UBE3D: variants seen among roughly 807,000 people sequenced by gnomAD.
UBE3D encodes the protein E3 ubiquitin-protein ligase E3D.
Under a neutral mutation model 49.6 loss-of-function variants are expected in UBE3D, and 48 were observed. The ratio of observed to expected loss-of-function variants is 0.97; its 90% CI spans 0.77 to 1.23. The LOEUF (loss-of-function observed/expected upper bound fraction) is 1.23, where lower values mean the gene tolerates loss of function less well. Ranked by LOEUF, UBE3D falls within the 50% of genes most tolerant of loss-of-function variation. The pLI is 0.00. For missense variants in UBE3D, 452 were observed against 468.4 expected, an observed-to-expected ratio of 0.96 and a Z score of 0.32; for synonymous variants, 189 against 174.2, an observed-to-expected ratio of 1.08 and a Z score of -0.67.
At chr6:83,027,434 CAAAAAAAAAA>C (rs61225462) in intron 5 of UBE3D, among the ~76,000 whole-genome samples, 394 of 34,648 alleles carry the variant, frequency 0.011, 8 homozygotes, top group Non-Finnish European at 0.017. Flanking sequence ...GACTCCGTCT[CAAAAAAAAAA>C]AAAAAAAAAA....
At chr6:82,899,318 A>C (rs1316914318) in intron 9 of UBE3D, among the ~76,000 whole-genome samples, 1 of 152,194 alleles carries the variant, frequency 6.6e-6, no homozygotes, top group Admixed American at 6.5e-5. Flanking sequence ...CAGAAACAAT[A>C]GACTAAGGGA....
At chr6:82,960,626 A>G (rs1776481604) in intron 8 of UBE3D, among the ~76,000 whole-genome samples, 1 of 151,692 alleles carries the variant, frequency 6.6e-6, no homozygotes, top group African/African-American at 2.4e-5. Context: ...GCAAGTTCTT[A>G]TAAAGGAAAC....
intron 8 of UBE3D, among the ~76,000 whole-genome samples, chr6:83,015,022 A>G (rs571086902): frequency 1.3e-5 from 2 of 152,292 alleles, no homozygotes; most frequent in South Asian, 4.1e-4. Context: ...TCTTCTGTCC[A>G]TTACGGTAGT....
intron 5 of UBE3D, among the ~76,000 whole-genome samples, chr6:83,034,861 A>G: frequency 6.6e-6 from 1 of 152,120 alleles, no homozygotes; most frequent in East Asian, 1.9e-4. Context: ...CAAATAATTT[A>G]TCAATTCCAC....
chr6:82,908,762 A>G (rs62430475), intron 9 of UBE3D, among the ~76,000 whole-genome samples: 19,000 of 151,968 alleles, frequency 0.13, 1,272 homozygotes, highest in African/African-American at 0.17. Flanking sequence ...TTTCAAATAC[A>G]CTCTTCCTTT....
At chr6:82,966,860 A>G (rs1425559758) in intron 8 of UBE3D, among the ~76,000 whole-genome samples, 2 of 152,194 alleles carry the variant, frequency 1.3e-5, no homozygotes, top group Non-Finnish European at 2.9e-5. Context: ...GTGAGCTAGG[A>G]GAACTAGTAA....
intron 8 of UBE3D, among the ~76,000 whole-genome samples, chr6:83,001,239 T>C (rs957204501): frequency 1.3e-5 from 2 of 152,198 alleles, no homozygotes; most frequent in African/African-American, 4.8e-5. Context: ...ATAGCACTGA[T>C]CAGTTTGCAG....
rs534982796 is a variant in UBE3D, at chr6:83,002,738, T to C, written c.1010+16235A>G. ...CTAGCTGGGCCCTTTTGGCCTTCCA[T>C]CCCTTCTATCCTGTAAGGATATAGC... is the stretch of plus-strand genomic sequence containing the variant. On this transcript the variant is annotated intron_variant, in intron 8 of 9. Transcript: ENST00000369747. Among the ~76,000 whole-genome samples the C allele has an allele frequency of 2.4e-4, 37 of 152,274 alleles. No individual in the cohort carries two copies. In the East Asian group the frequency reaches 6.0e-3, roughly 25 times the overall value.
At chr6:82,992,286 G>A (rs1000175441) in intron 8 of UBE3D, among the ~76,000 whole-genome samples, 2 of 139,576 alleles carry the variant, frequency 1.4e-5, no homozygotes, top group Admixed American at 7.9e-5. Flanking sequence ...GGAATGGCAC[G>A]ATCTCAGCTC....
intron 1 of UBE3D, 77 bp downstream of exon 1, chr6:83,065,565 A>C (rs565793783): frequency 2.9e-6 from 4 of 1,382,184 alleles, no homozygotes; most frequent in Middle Eastern, 1.8e-4. Flanking sequence ...CCTCGTACAG[A>C]GAGAGACTCA....
chr6:82,904,976 G>A (rs573755901), intron 9 of UBE3D, among the ~76,000 whole-genome samples: 4 of 152,200 alleles, frequency 2.6e-5, no homozygotes, highest in South Asian at 2.1e-4. Flanking sequence ...TGTAGGGGGC[G>A]TCTAAAGGTT....
At chr6:82,981,225 G>C (rs566992381) in intron 8 of UBE3D, among the ~76,000 whole-genome samples, 2 of 152,156 alleles carry the variant, frequency 1.3e-5, no homozygotes, top group African/African-American at 4.8e-5. Context: ...CTTTGAGGCT[G>C]TCTTTTTAGC....
intron 8 of UBE3D, among the ~76,000 whole-genome samples, chr6:82,961,962 AC>A (rs1323149116): frequency 2.1e-5 from 3 of 146,136 alleles, no homozygotes; most frequent in East Asian, 2.1e-4. Flanking sequence ...AAAAAAAAAA[AC>A]AAAAAAGATG....
At chr6:83,061,230 GAC>G (rs1453028101) in intron 1 of UBE3D, among the ~76,000 whole-genome samples, 1 of 152,140 alleles carries the variant, frequency 6.6e-6, no homozygotes, top group Non-Finnish European at 1.5e-5. Context: ...AAAGTGTCAG[GAC>G]CATGAAAGTC....
At position 82,957,373 on chromosome 6, in the gene UBE3D, A is replaced by G. The variant is rs1354133200; in HGVS notation, c.1088T>C (p.Leu363Ser). 4 of 1,614,144 alleles carry G rather than the reference A, an allele frequency of 2.5e-6. No homozygotes were observed. Among genetic ancestry groups the G allele is most frequent in the Non-Finnish European group, 2.5e-6 (3 of 1,180,000 alleles). ...LPSATCLELL[L>S]ILSKSNANLP... ...ATTGGCATTACTCTTTGACAATATC[A>G]ACAGCAGCTCCAAGCAGGTTGCAGA... is the stretch of plus-strand genomic sequence containing the variant. Residue 363 changes from leucine (L) to serine (S), a missense_variant, in exon 9 of 10, where the codon TTG (leucine) becomes TCG (serine). Coordinates refer to ENST00000369747, the MANE Select transcript of UBE3D (RefSeq NM_198920.3).
intron 9 of UBE3D, among the ~76,000 whole-genome samples, chr6:82,921,770 C>G (rs1341756781): frequency 6.6e-6 from 1 of 152,110 alleles, no homozygotes; most frequent in Non-Finnish European, 1.5e-5. Context: ...CTTGAAGAAC[C>G]CTCCCAAAGT....
chr6:82,889,638 T>G (rs1346246288), downstream of UBE3D, among the ~76,000 whole-genome samples: 1 of 152,200 alleles, frequency 6.6e-6, no homozygotes, highest in East Asian at 1.9e-4. Context: ...AAATAGCACC[T>G]AATCTTTCTT....
chr6:83,011,977 T>G lies in UBE3D; in HGVS notation c.1010+6996A>C, dbSNP rs146037932. Among the ~76,000 whole-genome samples, 619 of 152,342 alleles carry G rather than the reference T, an allele frequency of 4.1e-3. 8 individuals carry two copies. The highest frequency in any genetic ancestry group is 0.013 in the African/African-American group (556 of 41,580). On this transcript the variant is annotated intron_variant, in intron 8 of 9. Coordinates refer to ENST00000369747, the MANE Select transcript of UBE3D (RefSeq NM_198920.3). ...CTTCTGGAGAACTTTGCCCCAGCCC[T>G]GCAAAGTATTGTTACCTACTTGCTG...
At chr6:83,061,632 G>A (rs1270247770) in intron 1 of UBE3D, among the ~76,000 whole-genome samples, 4 of 152,188 alleles carry the variant, frequency 2.6e-5, no homozygotes, top group African/African-American at 7.2e-5. Flanking sequence ...AGGCCCTGCT[G>A]CTACAAGCTT....
Sources: allele counts gnomAD v4.1 joint callset (sites outside exome capture counted in the v4.1 genomes callset), GRCh38; gene constraint gnomAD v4.1.1; transcripts MANE v1.5; gene names NCBI Gene and HGNC (gene_info 2026-07-23, HGNC 2026-07-21).